CPXM2: variants seen among roughly 807,000 people sequenced by gnomAD.
CPXM2 encodes carboxypeptidase X, M14 family member 2, also known as inactive carboxypeptidase-like protein X2.
In CPXM2, 66 loss-of-function variants were observed where a neutral mutation model predicts 86.1. The observed-to-expected ratio is 0.77, with a 90% CI of 0.63 to 0.94. CPXM2 has a LOEUF of 0.94. CPXM2 is among the 40% of genes least tolerant of loss of function. The pLI, the probability that CPXM2 is intolerant of heterozygous loss-of-function variation, is 0.00. For synonymous variants in CPXM2, 388 were observed against 400.2 expected (o/e 0.97, Z 0.36); for missense variants, 948 against 1,026.3 (o/e 0.92, Z 1.04).
chr10:123,772,454 G>T (rs1016234861), intron 7 of CPXM2, among the ~76,000 whole-genome samples: 11 of 137,148 alleles, frequency 8.0e-5, no homozygotes, highest in African/African-American at 3.1e-4. Flanking sequence ...GGGTGTAGTT[G>T]TCACCTCCCT....
intron 2 of CPXM2, chr10:123,914,261 C>G (rs1945516154): frequency 3.9e-5 from 14 of 360,554 alleles, no homozygotes; most frequent in South Asian, 2.9e-4. Context: ...GGCTTCCTTC[C>G]CGGACATTCT....
At chr10:123,898,092 C>A (rs190058638) in intron 2 of CPXM2, among the ~76,000 whole-genome samples, 1 of 152,336 alleles carries the variant, frequency 6.6e-6, no homozygotes, top group Non-Finnish European at 1.5e-5. Context: ...AAGAGAACAT[C>A]TCTGCCTCTC....
intron 10 of CPXM2, among the ~76,000 whole-genome samples, chr10:123,763,422 C>T (rs1392372383): frequency 2.0e-5 from 3 of 152,130 alleles, no homozygotes; most frequent in African/African-American, 7.2e-5. Flanking sequence ...CCTATCCACC[C>T]TCCTGCCTCC....
At chr10:123,837,556 G>A (rs10902826) in intron 4 of CPXM2, among the ~76,000 whole-genome samples, 46,812 of 151,806 alleles carry the variant, frequency 0.31, 7,872 homozygotes, top group African/African-American at 0.45. Flanking sequence ...ATAATGGTTA[G>A]CACTCATATA....
At chr10:123,783,794 TG>T (rs1276179720) in intron 6 of CPXM2, among the ~76,000 whole-genome samples, 1 of 152,210 alleles carries the variant, frequency 6.6e-6, no homozygotes, top group Non-Finnish European at 1.5e-5. Flanking sequence ...ATCCAGTCTA[TG>T]GGGGCTTTAT....
At chr10:123,747,544 C>T (rs924585216) in intron 13 of CPXM2, among the ~76,000 whole-genome samples, 1 of 152,156 alleles carries the variant, frequency 6.6e-6, no homozygotes, top group Non-Finnish European at 1.5e-5. Flanking sequence ...TGGCTGGGGC[C>T]TGGAGAGACT....
chr10:123,865,817 CAGGAGGGG>C lies in CPXM2; in HGVS notation c.404-3102_404-3095del, dbSNP rs1848964089. ...CCAACTGCCTCCTCCTGGCCAACCC[CAGGAGGGG>C]CAACACCTCCATCTCTGCTTCTTCT... On this transcript the variant is annotated intron_variant, in intron 2 of 13. Coordinates refer to ENST00000241305, the MANE Select transcript of CPXM2 (RefSeq NM_198148.3). This position sits in a 1 kb window ranked among gnomAD's most constrained non-coding sequence, Gnocchi z 4.7. Among the ~76,000 whole-genome samples, 1 of 152,174 alleles carries C rather than the reference CAGGAGGGG, an allele frequency of 6.6e-6. No homozygotes were observed. Among genetic ancestry groups the C allele is most frequent in the Non-Finnish European group, 1.5e-5 (1 of 68,040 alleles).
At chr10:123,861,707 G>GGGCAGC (rs1392885478) in intron 3 of CPXM2, among the ~76,000 whole-genome samples, 2 of 152,156 alleles carry the variant, frequency 1.3e-5, no homozygotes, top group Non-Finnish European at 2.9e-5. Context: ...GCAAGGAATG[G>GGGCAGC]GGCAGCTTCT....
intron 6 of CPXM2, among the ~76,000 whole-genome samples, chr10:123,790,175 G>A (rs368768040): frequency 5.3e-5 from 8 of 152,126 alleles, no homozygotes; most frequent in East Asian, 1.9e-4. Flanking sequence ...CCGGAGTGGC[G>A]GGAAAGGTGG....
intron 3 of CPXM2, among the ~76,000 whole-genome samples, chr10:123,849,799 A>C (rs894088060): frequency 6.6e-6 from 1 of 152,160 alleles, no homozygotes; most frequent in East Asian, 1.9e-4. Flanking sequence ...TAATTTTATA[A>C]TAGATACAGA....
intron 3 of CPXM2, among the ~76,000 whole-genome samples, chr10:123,861,024 G>T (rs1316551285): frequency 6.6e-6 from 1 of 152,184 alleles, no homozygotes; most frequent in Admixed American, 6.5e-5. Context: ...AAAGAGCAAA[G>T]CTTGGAGTCA....
intron 2 of CPXM2, among the ~76,000 whole-genome samples, chr10:123,939,293 T>A (rs1316466683): frequency 2.0e-5 from 3 of 152,094 alleles, no homozygotes; most frequent in Non-Finnish European, 4.4e-5. Context: ...TAAAGTAAAC[T>A]AGAAAAGCGG....
chr10:123,922,269 G>C (rs1281837271), intron 2 of CPXM2, among the ~76,000 whole-genome samples: 1 of 318 alleles, frequency 3.1e-3, no homozygotes, highest in East Asian at 0.12. Flanking sequence ...GAAATTTCAT[G>C]GTATAGTGAT....
intron 12 of CPXM2, among the ~76,000 whole-genome samples, chr10:123,755,542 C>T (rs550442277): frequency 6.6e-6 from 1 of 152,304 alleles, no homozygotes; most frequent in South Asian, 2.1e-4. Context: ...CACAGAAACA[C>T]ATTTACTAAA....
intron 4 of CPXM2, 109 bp from the exon 5 acceptor site, chr10:123,799,308 T>A: frequency 7.6e-7 from 1 of 1,308,150 alleles, no homozygotes; most frequent in Non-Finnish European, 1.1e-6. Context: ...TGGCACTGGG[T>A]CAAACCCTGG....
intron 4 of CPXM2, among the ~76,000 whole-genome samples, chr10:123,832,883 G>T (rs556869087): frequency 6.6e-6 from 1 of 151,424 alleles, no homozygotes; most frequent in South Asian, 2.1e-4. Context: ...GAATGGATTA[G>T]CGCTCTTACA....
intron 2 of CPXM2, chr10:123,913,621 G>A (rs1945508428): frequency 1.2e-5 from 2 of 172,772 alleles, no homozygotes; most frequent in Admixed American, 5.6e-5. Flanking sequence ...ATCAGGGCAA[G>A]TGAGATAGAA....
In CPXM2 at chr10:123,878,180, C is replaced by T. The variant is rs879632355; in HGVS notation, c.403+2031G>A. Among the ~76,000 whole-genome samples the T allele has an allele frequency of 9.9e-5, 15 of 152,090 alleles. No individual in the cohort carries two copies. The East Asian group carries it at 1.9e-3, about 20-fold the overall frequency. ...CCTGACTCTAGGCCTGCGTTCCTAA[C>T]GGCCACGCCACCCTGCCACATGTGC... is the stretch of plus-strand genomic sequence containing the variant. On this transcript the variant is annotated intron_variant, in intron 2 of 13. Transcript: ENST00000241305.
rs749176185 is a variant in CPXM2 at position 123,746,897 on chromosome 10, C to T, written c.2138G>A (p.Arg713Lys). 1.2e-6 allele frequency: 2 copies of T among 1,614,152 alleles called. No individual in the cohort carries two copies. Among genetic ancestry groups the T allele is most frequent in the South Asian group, 2.2e-5 (2 of 91,068 alleles). ...CMVGYDMGATRCDFTLSKTNM... is the reference protein window; with the variant it reads ...CMVGYDMGATKCDFTLSKTNM... The stretch of plus-strand genomic sequence containing the variant: ...GGTTTTGCTAAGTGTGAAGTCACAC[C>T]TTGTGGCCCCCATGTCATAGCCAAC... The change falls in exon 14 of 14, where the codon AGG (arginine) becomes AAG (lysine). Residue 713 changes from arginine (R) to lysine (K), a missense_variant. Transcript: ENST00000241305.
Sources: allele counts gnomAD v4.1 joint callset (sites outside exome capture counted in the v4.1 genomes callset), GRCh38; gene constraint gnomAD v4.1.1; non-coding constraint Gnocchi (gnomAD v3.1); transcripts MANE v1.5; gene names NCBI Gene and HGNC (gene_info 2026-07-23, HGNC 2026-07-21).